ANKRD44: variants seen among roughly 807,000 people sequenced by gnomAD.
ANKRD44 encodes ankyrin repeat domain 44.
Under a neutral mutation model 116.0 loss-of-function variants are expected in ANKRD44, and 35 were observed. That is an observed-to-expected ratio of 0.30 (90% CI 0.23 to 0.40). The LOEUF is 0.40. Among genes scored for constraint, ANKRD44 ranks in the 10% least tolerant of loss-of-function variants. The pLI is 1.00. For synonymous variants in ANKRD44, 435 were observed against 461.8 expected, an observed-to-expected ratio of 0.94 and a Z score of 0.74; for missense variants, 1,014 against 1,242.6, an observed-to-expected ratio of 0.82 and a Z score of 2.77.
At chr2:197,060,761 A>G (rs1418639385) in intron 16 of ANKRD44, among the ~76,000 whole-genome samples, 1 of 152,142 alleles carries the variant, frequency 6.6e-6, no homozygotes, top group African/African-American at 2.4e-5. Context: ...TAGATTCCAC[A>G]GGTAAAGTCA....
intron 1 of ANKRD44, among the ~76,000 whole-genome samples, chr2:197,284,425 C>A (rs1471492507): frequency 6.6e-6 from 1 of 151,992 alleles, no homozygotes; most frequent in Admixed American, 6.6e-5. Context: ...GACATATACT[C>A]TTTTTCCCAT....
chr2:197,247,275 A>G (rs564301265), intron 1 of ANKRD44, among the ~76,000 whole-genome samples: 27 of 152,208 alleles, frequency 1.8e-4, no homozygotes, highest in Non-Finnish European at 3.7e-4. Context: ...GCTCACTGTC[A>G]GTAAGGGCTT....
chr2:197,242,417 G>A (rs1170289246), intron 1 of ANKRD44, among the ~76,000 whole-genome samples: 1 of 152,078 alleles, frequency 6.6e-6, no homozygotes, highest in African/African-American at 2.4e-5. Context: ...TGATCCTAAG[G>A]CTCCCCACAT....
intron 16 of ANKRD44, among the ~76,000 whole-genome samples, chr2:197,034,049 C>CCAGA (rs1491563139): frequency 2.3e-4 from 3 of 13,252 alleles, no homozygotes; most frequent in Non-Finnish European, 6.1e-4. Context: ...CATATGAGGG[C>CCAGA]TAGAGAGAGA....
Position 196,988,957 on chromosome 2 carries a change from G to T in ANKRD44, c.*634C>A, listed in dbSNP as rs2075871636. On this transcript the variant is annotated 3_prime_UTR_variant, in exon 28 of 28. Transcript: ENST00000282272. ...TTTTCATCTCGCAGAAGGGCATCCA[G>T]ACTGCAATGTCTTCTAAGCTCTAAG... The T allele has an allele frequency of 1.0e-6, 1 of 985,270 alleles. No homozygotes were observed. The highest frequency in any genetic ancestry group is 4.7e-5 in the South Asian group (1 of 21,286). The allele number at this position is 985,270 out of a possible 1,614,324, so 61.0% of individuals were successfully genotyped here.
At position 197,274,010 on chromosome 2, in the gene ANKRD44, T is replaced by A. The variant is rs1255507775; in HGVS notation, c.27+36568A>T. Among the ~76,000 whole-genome samples, 64 of 86,086 alleles carry A rather than the reference T, an allele frequency of 7.4e-4. 6 individuals are homozygous for A. Among genetic ancestry groups the A allele is most frequent in the Admixed American group, 1.0e-3 (8 of 7,712 alleles). The allele number at this position is 86,086 out of a possible 152,430, so 56.5% of individuals were successfully genotyped here. A position where few individuals can be genotyped will look rare whatever the true frequency, so the allele number is the denominator to read the frequency against. On this transcript the variant is annotated intron_variant, in intron 1 of 27. Transcript: ENST00000282272. ...ATATATATATATATATATATATATA[T>A]ATATATATATATATATATGAATCAG...
At chr2:197,079,247 T>A (rs2125128987) in intron 15 of ANKRD44, among the ~76,000 whole-genome samples, 1 of 150,330 alleles carries the variant, frequency 6.7e-6, no homozygotes. Flanking sequence ...AACCTCACCA[T>A]AAAATCAAAG....
chr2:196,986,602 G>T, downstream of ANKRD44: 3 of 676,878 alleles, frequency 4.4e-6, no homozygotes, highest in Non-Finnish European at 5.5e-6. Flanking sequence ...TTGAGGGGGT[G>T]CAAAGATTTA....
At chr2:197,110,915 C>T (rs2078549833) in intron 8 of ANKRD44, 71 bp from the exon 9 acceptor site, 2 of 992,992 alleles carry the variant, frequency 2.0e-6, no homozygotes, top group South Asian at 1.3e-5. Context: ...TGAAATACCC[C>T]TATGGACACT....
chr2:196,990,246 A>T lies in ANKRD44; in HGVS notation c.2924-597T>A, dbSNP rs182368926. 5.1e-6 allele frequency: 5 copies of T among 986,790 alleles called. No individual in the cohort carries two copies. The African/African-American group carries it at 7.0e-5, about 14-fold the overall frequency. 61.1% of individuals were successfully genotyped at this position (986,790 alleles called of 1,614,324 possible). On this transcript the variant is annotated intron_variant, in intron 27 of 27. Transcript: ENST00000282272. ...AGGAAGTAAACATCAAAGTGAGAAG[A>T]AGTTTGAGGCATTTCCTATCTGCCT...
At chr2:197,036,684 T>A (rs1351058008) in intron 16 of ANKRD44, among the ~76,000 whole-genome samples, 1 of 152,146 alleles carries the variant, frequency 6.6e-6, no homozygotes, top group Admixed American at 6.6e-5. Context: ...CCTGATGATT[T>A]CCTTGCCAAT....
At chr2:197,090,473 C>G (rs1574435971) in intron 10 of ANKRD44, among the ~76,000 whole-genome samples, 1 of 150,944 alleles carries the variant, frequency 6.6e-6, no homozygotes, top group African/African-American at 2.4e-5. Flanking sequence ...CAACCTGTTT[C>G]CTTTCTTTTT....
intron 1 of ANKRD44, among the ~76,000 whole-genome samples, chr2:197,272,559 C>A (rs2082930374): frequency 6.6e-6 from 1 of 152,154 alleles, no homozygotes; most frequent in South Asian, 2.1e-4. Flanking sequence ...TATAAGCCAC[C>A]CAGTTGATAT....
chr2:197,274,811 A>G (rs1319181160), intron 1 of ANKRD44, among the ~76,000 whole-genome samples: 4 of 152,128 alleles, frequency 2.6e-5, no homozygotes, highest in Non-Finnish European at 5.9e-5. Context: ...AATCACACTC[A>G]GTCTGGCATG....
chr2:197,231,454 C>T (rs758248120), intron 1 of ANKRD44, among the ~76,000 whole-genome samples: 1 of 152,018 alleles, frequency 6.6e-6, no homozygotes, highest in Non-Finnish European at 1.5e-5. Flanking sequence ...TGAGCTAAGG[C>T]TGAATTATCA....
intron 23 of ANKRD44, among the ~76,000 whole-genome samples, chr2:196,999,764 T>G (rs1175835711): frequency 2.0e-5 from 3 of 151,936 alleles, no homozygotes; most frequent in Non-Finnish European, 4.4e-5. Context: ...CGGCTAATTT[T>G]TTATATTTTT....
chr2:197,179,461 C>T (rs934370608), intron 2 of ANKRD44, among the ~76,000 whole-genome samples: 1 of 152,120 alleles, frequency 6.6e-6, no homozygotes, highest in African/African-American at 2.4e-5. Flanking sequence ...TGTCCAAATG[C>T]GTATCTAATA....
intron 1 of ANKRD44, among the ~76,000 whole-genome samples, chr2:197,215,561 G>A (rs1285975221): frequency 6.6e-6 from 1 of 152,090 alleles, no homozygotes; most frequent in African/African-American, 2.4e-5. Flanking sequence ...AATTTTTGAT[G>A]ACCTCAAATG....
In ANKRD44 at chr2:196,987,543, T is replaced by A; in HGVS notation, c.*2048A>T. The A allele has an allele frequency of 1.0e-6, 1 of 985,472 alleles. No individual in the cohort carries two copies. Among genetic ancestry groups the A allele is most frequent in the Non-Finnish European group, 1.2e-6 (1 of 829,922 alleles). The allele number at this position is 985,472 out of a possible 1,614,324, so 61.0% of individuals were successfully genotyped here. On this transcript the variant is annotated 3_prime_UTR_variant, in exon 28 of 28. Coordinates refer to ENST00000282272, the MANE Select transcript of ANKRD44 (RefSeq NM_001195144.2). ...TAACTAGTGCAGCAAATCCATTTGA[T>A]GTTCTTGTTCTAATTTAATAACAAA... is the stretch of plus-strand genomic sequence containing the variant.
Sources: allele counts gnomAD v4.1 joint callset (sites outside exome capture counted in the v4.1 genomes callset), GRCh38; gene constraint gnomAD v4.1.1; transcripts MANE v1.5; gene names NCBI Gene and HGNC (gene_info 2026-07-23, HGNC 2026-07-21).